The following DEPDC5 variants were observed in gnomAD, a reference collection of about 807,000 sequenced individuals.
DEPDC5 encodes DEP domain containing 5, GATOR1 subcomplex subunit.
In DEPDC5, 73 loss-of-function variants were observed where a neutral mutation model predicts 217.3. The observed-to-expected ratio is 0.34, with a 90% CI of 0.28 to 0.41. The LOEUF (loss-of-function observed/expected upper bound fraction) is 0.41, where lower values mean the gene tolerates loss of function less well. Among genes scored for constraint, DEPDC5 ranks in the 10% least tolerant of loss-of-function variants. DEPDC5 has a pLI of 1.00. For synonymous variants in DEPDC5, 733 were observed against 756.7 expected (o/e 0.97, Z 0.51); for missense variants, 1,675 against 2,070.1 (o/e 0.81, Z 3.70).
At chr22:31,898,160 T>C (rs1406505056) in intron 40 of DEPDC5, among the ~76,000 whole-genome samples, 1 of 151,898 alleles carries the variant, frequency 6.6e-6, no homozygotes, top group Non-Finnish European at 1.5e-5. Flanking sequence ...GTGACTCGAG[T>C]CATGCATCTC....
At chr22:31,771,554 T>C (rs1267577794) in intron 7 of DEPDC5, among the ~76,000 whole-genome samples, 1 of 151,580 alleles carries the variant, frequency 6.6e-6, no homozygotes, top group Non-Finnish European at 1.5e-5. Context: ...ACCCCATCTC[T>C]ACTAAAAATA....
rs533029413 is a variant in DEPDC5 at position 31,793,371 on chromosome 22, A to G, written c.767+554A>G. ...TGTGAAAAATTTCAACATTCAGAGAAGAAGAGCAAATAATATAATGAGCCC... is the reference window on the plus strand; with the variant it reads ...TGTGAAAAATTTCAACATTCAGAGAGGAAGAGCAAATAATATAATGAGCCC... On this transcript the variant is annotated intron_variant, in intron 12 of 42. Coordinates refer to ENST00000651528, the MANE Select transcript of DEPDC5 (RefSeq NM_001242896.3). 4.6e-5 allele frequency among the ~76,000 whole-genome samples: 7 copies of G among 152,264 alleles called. No individual in the cohort carries two copies. The South Asian group carries it at 1.5e-3, about 32-fold the overall frequency.
At chr22:31,843,318 G>T in intron 28 of DEPDC5, 106 bp downstream of exon 28, 1 of 1,241,890 alleles carries the variant, frequency 8.1e-7, no homozygotes, top group Non-Finnish European at 1.1e-6. Context: ...TCAGTGGTTG[G>T]TTTTTCTTTT....
chr22:31,892,861 C>T (rs75115403), intron 38 of DEPDC5, among the ~76,000 whole-genome samples: 2,117 of 148,104 alleles, frequency 0.014, 19 homozygotes, highest in Middle Eastern at 0.029. Flanking sequence ...AGGGTTCACT[C>T]TTTGGTGGTG....
intron 38 of DEPDC5, among the ~76,000 whole-genome samples, chr22:31,881,280 A>G (rs1250076761): frequency 7.0e-6 from 1 of 142,026 alleles, no homozygotes; most frequent in South Asian, 2.3e-4. Flanking sequence ...CTAGAGCGAG[A>G]CTCCATCTCT....
chr22:31,833,980 A>G lies in DEPDC5; in HGVS notation c.2170A>G (p.Ile724Val). ...CAGTGTTTCTACCTCTCCAGACCCAAGTAAGAGGGGGCAGCTGACTGGGGA... is the reference window on the plus strand; with the variant it reads ...CAGTGTTTCTACCTCTCCAGACCCAGGTAAGAGGGGGCAGCTGACTGGGGA... ...EDSVSTSPDP[I>V]LTLSAPPVVP... Residue 724 changes from isoleucine (I) to valine (V), a missense_variant and splice_region_variant, in exon 25 of 43, where the codon ATT becomes GTT. Around this residue, in one of 11 missense-constraint regions of DEPDC5, gnomAD observed 136 missense variants for 132.2 expected, o/e 1.03. Transcript: ENST00000651528. The G allele has an allele frequency of 1.2e-6, 2 of 1,613,660 alleles. No homozygotes were observed. Among genetic ancestry groups the G allele is most frequent in the Non-Finnish European group, 1.7e-6 (2 of 1,179,656 alleles).
chr22:31,837,216 C>G, intron 26 of DEPDC5, 61 bp downstream of exon 26: 1 of 1,563,426 alleles, frequency 6.4e-7, no homozygotes, highest in Non-Finnish European at 8.8e-7. Flanking sequence ...ATATCCCACA[C>G]ATGCATCAGA....
chr22:31,806,271 C>G, intron 18 of DEPDC5, 80 bp downstream of exon 18: 1 of 1,212,384 alleles, frequency 8.2e-7, no homozygotes, highest in South Asian at 1.3e-5. Context: ...AATCAGTCCT[C>G]CTGTTTCAGC....
chr22:31,843,162 C>T lies in DEPDC5; in HGVS notation c.2583C>T (p.His861=), dbSNP rs2149004496. Residue 861 remains histidine (H), a synonymous_variant, in exon 28 of 43, where the codon CAC becomes CAT. Coordinates refer to ENST00000651528, the MANE Select transcript of DEPDC5 (RefSeq NM_001242896.3). ...QYWLSMGRTF[H]KVTLKDKMIT... ...GGCTGAGTATGGGCAGAACGTTCCA[C>T]AAAGTGACGCTGAAGGATAAGATGA... 1 of 1,614,174 alleles carries T rather than the reference C, an allele frequency of 6.2e-7. No homozygotes were observed. The highest frequency in any genetic ancestry group is 8.5e-7 in the Non-Finnish European group (1 of 1,180,038).
chr22:31,844,950 G>A lies in DEPDC5; in HGVS notation c.2802-68G>A, dbSNP rs2091637620. The A allele has an allele frequency of 5.2e-6, 8 of 1,535,436 alleles. No individual in the cohort carries two copies. The South Asian group carries it at 9.0e-5, about 17-fold the overall frequency. On this transcript the variant is annotated intron_variant, in intron 29 of 42. Coordinates refer to ENST00000651528, the MANE Select transcript of DEPDC5 (RefSeq NM_001242896.3). Reference sequence around the variant, plus strand: ...CCTTCACACACCAACTCCACAGAGAGTTTACTGAGAGTGCTTTCATTATCT... The same window carrying A: ...CCTTCACACACCAACTCCACAGAGAATTTACTGAGAGTGCTTTCATTATCT...
chr22:31,864,277 T>C (rs1373073020), intron 33 of DEPDC5, among the ~76,000 whole-genome samples: 2 of 150,838 alleles, frequency 1.3e-5, no homozygotes, highest in African/African-American at 2.4e-5. Context: ...CCCGGCTAAT[T>C]TTTTGTATTT....
chr22:31,817,481 G>T, intron 21 of DEPDC5: 1 of 467,476 alleles, frequency 2.1e-6, no homozygotes. Flanking sequence ...CAGTTTCATG[G>T]GTGGTTTCTT....
At chr22:31,798,368 A>ATTAGCCTTGTGTG in intron 13 of DEPDC5, among the ~76,000 whole-genome samples, 1 of 152,272 alleles carries the variant, frequency 6.6e-6, no homozygotes, top group East Asian at 1.9e-4. Context: ...AAATACAAAA[A>ATTAGCCTTGTGTG]TTAGCCTTGT....
At chr22:31,883,929 T>C (rs1266431051) in intron 38 of DEPDC5, among the ~76,000 whole-genome samples, 1 of 152,124 alleles carries the variant, frequency 6.6e-6, no homozygotes. Flanking sequence ...TCCCTGCTGG[T>C]CTTCCCAATG....
At chr22:31,837,245 C>T (rs1293289532) in intron 26 of DEPDC5, 90 bp downstream of exon 26, 3 of 1,373,290 alleles carry the variant, frequency 2.2e-6, no homozygotes, top group African/African-American at 1.4e-5. Flanking sequence ...TTTGTGCTGG[C>T]TTCAGCAACA....
At position 31,804,032 on chromosome 22, in the gene DEPDC5, A is replaced by C. The variant is rs995000956; in HGVS notation, c.1082-130A>C. On this transcript the variant is annotated intron_variant, in intron 15 of 42. Transcript: ENST00000651528. ...ACTTCTTTGTTGGATAGGCAGCACT[A>C]TGAGGTTATAAATCATACAATGGTA... The C allele has an allele frequency of 7.5e-6, 6 of 795,514 alleles. No individual in the cohort carries two copies. The Admixed American group carries it at 1.4e-4, about 19-fold the overall frequency. The allele number at this position is 795,514 out of a possible 1,614,324, so 49.3% of individuals were successfully genotyped here.
intron 14 of DEPDC5, among the ~76,000 whole-genome samples, chr22:31,801,679 C>T (rs2086882571): frequency 1.3e-5 from 2 of 152,158 alleles, no homozygotes; most frequent in Admixed American, 1.3e-4. Context: ...TGTCTCTGCT[C>T]TCTGTTCAGA....
chr22:31,860,680 T>C (rs1362601138), intron 32 of DEPDC5, among the ~76,000 whole-genome samples: 1 of 152,068 alleles, frequency 6.6e-6, no homozygotes, highest in Non-Finnish European at 1.5e-5. Flanking sequence ...ATTATATATG[T>C]CTTAGCTTGC....
At chr22:31,755,905 G>A (rs112179777) in intron 2 of DEPDC5, among the ~76,000 whole-genome samples, 1,911 of 150,594 alleles carry the variant, frequency 0.013, 32 homozygotes, top group South Asian at 0.038. Flanking sequence ...ACAGAGTCTC[G>A]CTCTGTCACC....
Sources: allele counts gnomAD v4.1 joint callset (sites outside exome capture counted in the v4.1 genomes callset), GRCh38; gene constraint gnomAD v4.1.1; regional missense constraint gnomAD v4.1.1; transcripts MANE v1.5; gene names NCBI Gene and HGNC (gene_info 2026-07-23, HGNC 2026-07-21).